The following GLCCI1 variants were observed in gnomAD, a reference collection of about 807,000 sequenced individuals.
GLCCI1 encodes the protein glucocorticoid-induced transcript 1 protein.
In GLCCI1, 24 loss-of-function variants were observed where a neutral mutation model predicts 52.2. The ratio of observed to expected loss-of-function variants is 0.46; its 90% CI spans 0.33 to 0.65. GLCCI1 has a LOEUF of 0.65. Ranked by LOEUF, GLCCI1 falls within the 30% of genes least tolerant of loss-of-function variation. The pLI is 0.02. For missense variants in GLCCI1, 704 were observed against 701.5 expected, an observed-to-expected ratio of 1.00 and a Z score of -0.04; for synonymous variants, 310 against 276.5, an observed-to-expected ratio of 1.12 and a Z score of -1.20.
intron 1 of GLCCI1, among the ~76,000 whole-genome samples, chr7:7,974,169 ACAGAACTATTTTTTTC>A (rs568397997): frequency 6.6e-6 from 1 of 152,280 alleles, no homozygotes; most frequent in East Asian, 1.9e-4. Flanking sequence ...TTCATTATTT[ACAGAACTATTTTTTTC>A]CATCAGTTAT....
At position 8,009,262 on chromosome 7, in the gene GLCCI1, A is replaced by T. The variant is rs181022268; in HGVS notation, c.609+5203A>T. Among the ~76,000 whole-genome samples the T allele has an allele frequency of 3.2e-3, 482 of 152,344 alleles. 1 individual carries two copies. Among genetic ancestry groups the T allele is most frequent in the African/African-American group, 0.011 (451 of 41,592 alleles). On this transcript the variant is annotated intron_variant, in intron 2 of 7. Coordinates refer to ENST00000223145, the MANE Select transcript of GLCCI1 (RefSeq NM_138426.4). ...AACTCTTAAAATTGAACTTGCAATT[A>T]AGGTTACTATAATAAAACAGTAATG...
chr7:8,053,078 A>C (rs1256405595), intron 3 of GLCCI1, among the ~76,000 whole-genome samples: 1 of 151,688 alleles, frequency 6.6e-6, no homozygotes, highest in East Asian at 1.9e-4. Context: ...TAATCAGGAC[A>C]AAAATAGCAA....
At chr7:7,988,711 T>G (rs191004108) in intron 1 of GLCCI1, among the ~76,000 whole-genome samples, 109 of 152,276 alleles carry the variant, frequency 7.2e-4, no homozygotes, top group African/African-American at 2.6e-3. Context: ...CACTTTAAAA[T>G]TTGGACAGAC....
At chr7:8,063,719 A>G (rs1017033203) in intron 5 of GLCCI1, among the ~76,000 whole-genome samples, 6 of 114,066 alleles carry the variant, frequency 5.3e-5, no homozygotes, top group African/African-American at 1.8e-4. Flanking sequence ...CTCAGGCCCA[A>G]ATGATCCTTC....
At chr7:8,021,362 A>G (rs1018250915) in intron 2 of GLCCI1, among the ~76,000 whole-genome samples, 2 of 152,200 alleles carry the variant, frequency 1.3e-5, no homozygotes, top group African/African-American at 4.8e-5. Context: ...TTTCTGATTT[A>G]CATTACGCAA....
At chr7:8,003,141 T>G (rs577731359) in intron 1 of GLCCI1, among the ~76,000 whole-genome samples, 1 of 152,188 alleles carries the variant, frequency 6.6e-6, no homozygotes, top group East Asian at 1.9e-4. Flanking sequence ...GGGTTTAAAC[T>G]TATGTTGTGA....
intron 5 of GLCCI1, among the ~76,000 whole-genome samples, chr7:8,060,824 C>G (rs978982400): frequency 2.6e-5 from 4 of 152,136 alleles, no homozygotes; most frequent in Non-Finnish European, 5.9e-5. Context: ...TTGCATTTCT[C>G]TTGGGTATAT....
chr7:7,989,299 T>C (rs568711658), intron 1 of GLCCI1, among the ~76,000 whole-genome samples: 6 of 152,168 alleles, frequency 3.9e-5, no homozygotes, highest in Non-Finnish European at 7.4e-5. Context: ...TCTCTTTCCT[T>C]ATCTAATCTG....
intron 1 of GLCCI1, among the ~76,000 whole-genome samples, chr7:7,975,067 G>C (rs1780436956): frequency 6.6e-6 from 1 of 152,154 alleles, no homozygotes; most frequent in Non-Finnish European, 1.5e-5. Context: ...CTAGGGAACT[G>C]ATGGAAGGCA....
chr7:8,024,481 T>C (rs1278290734), intron 3 of GLCCI1, among the ~76,000 whole-genome samples: 2 of 152,256 alleles, frequency 1.3e-5, no homozygotes, highest in Non-Finnish European at 2.9e-5. Context: ...AATACAGTCT[T>C]AGAGTTATCA....
intron 3 of GLCCI1, among the ~76,000 whole-genome samples, chr7:8,041,156 A>G (rs1372728533): frequency 6.6e-6 from 1 of 152,224 alleles, no homozygotes; most frequent in Non-Finnish European, 1.5e-5. Context: ...AAAGCAAAAC[A>G]GCATTATTGC....
At chr7:8,073,457 A>G (rs974819987) in intron 6 of GLCCI1, among the ~76,000 whole-genome samples, 2 of 152,126 alleles carry the variant, frequency 1.3e-5, no homozygotes, top group African/African-American at 2.4e-5. Flanking sequence ...TTGTTCCTAC[A>G]TACCAGATAT....
intron 2 of GLCCI1, among the ~76,000 whole-genome samples, chr7:8,004,981 A>T (rs1562424341): frequency 2.0e-5 from 3 of 152,198 alleles, no homozygotes; most frequent in African/African-American, 7.2e-5. Flanking sequence ...GCAACTGTGA[A>T]ATTGGCTTCT....
chr7:7,989,436 A>C (rs1177588929), intron 1 of GLCCI1, among the ~76,000 whole-genome samples: 1 of 152,078 alleles, frequency 6.6e-6, no homozygotes, highest in Non-Finnish European at 1.5e-5. Flanking sequence ...CTTTTATATA[A>C]ATGAGGAAAA....
chr7:8,068,452 C>T (rs1407828132), intron 5 of GLCCI1, among the ~76,000 whole-genome samples: 1 of 152,196 alleles, frequency 6.6e-6, no homozygotes, highest in Non-Finnish European at 1.5e-5. Flanking sequence ...TTTGGGATTG[C>T]ATTATGAAAG....
chr7:7,984,388 C>G (rs965181572), intron 1 of GLCCI1, among the ~76,000 whole-genome samples: 3 of 152,118 alleles, frequency 2.0e-5, no homozygotes, highest in Non-Finnish European at 4.4e-5. Context: ...ACTAAACCAT[C>G]CATGCCCAAA....
At chr7:8,079,383 A>G (rs1782945924) in intron 6 of GLCCI1, among the ~76,000 whole-genome samples, 1 of 147,012 alleles carries the variant, frequency 6.8e-6, no homozygotes. Flanking sequence ...TGAGATACCT[A>G]CTTTTGCGCA....
In GLCCI1 at chr7:8,086,523, C is replaced by T; in HGVS notation, c.1629C>T (p.Asn543=). The T allele has an allele frequency of 1.3e-6, 2 of 1,588,404 alleles. No individual in the cohort carries two copies. Among genetic ancestry groups the T allele is most frequent in the East Asian group, 2.2e-5 (1 of 44,640 alleles). ...GTGAGGACCACATCTCTGCTCAGAA[C>T]TATGTGATCATCTAAAAAAGGGGGA... ...LQGEDHISAQ[N]YVII Residue 543 remains asparagine, a synonymous_variant, in exon 8 of 8, where the codon AAC becomes AAT. Coordinates refer to ENST00000223145, the MANE Select transcript of GLCCI1 (RefSeq NM_138426.4). This position sits in a 1 kb window ranked among gnomAD's most constrained non-coding sequence, Gnocchi z 4.4.
chr7:7,988,229 T>A (rs1780775172), intron 1 of GLCCI1, among the ~76,000 whole-genome samples: 1 of 152,192 alleles, frequency 6.6e-6, no homozygotes, highest in African/African-American at 2.4e-5. Context: ...GTTAAAAGGA[T>A]CCAGAAAGTT....
Sources: allele counts gnomAD v4.1 joint callset (sites outside exome capture counted in the v4.1 genomes callset), GRCh38; gene constraint gnomAD v4.1.1; non-coding constraint Gnocchi (gnomAD v3.1); transcripts MANE v1.5; gene names NCBI Gene and HGNC (gene_info 2026-07-23, HGNC 2026-07-21).